The following AR variants were observed in gnomAD, a reference collection of about 807,000 sequenced individuals.
The protein encoded by AR is dihydrotestosterone receptor.
AR carries 8 observed loss-of-function variants against 53.9 expected under a neutral mutation model. The ratio of observed to expected loss-of-function variants is 0.15; its 90% CI spans 0.09 to 0.27. The LOEUF (loss-of-function observed/expected upper bound fraction) is 0.27. AR is among the 10% of genes least tolerant of loss of function. The pLI, the probability that AR is intolerant of heterozygous loss-of-function variation, is 1.00. For synonymous variants in AR, 359 were observed against 316.4 expected, an observed-to-expected ratio of 1.13 and a Z score of -1.43; for missense variants, 639 against 742.5, an observed-to-expected ratio of 0.86 and a Z score of 1.62.
intron 2 of AR, among the ~76,000 whole-genome samples, chrX:67,674,555 G>A (rs958402911): frequency 9.0e-6 from 1 of 111,055 alleles, no homozygotes; most frequent in African/African-American, 3.3e-5. Flanking sequence ...CTCAAGCAAA[G>A]GAGTCTCTCC....
chrX:67,705,877 G>C (rs895878515), intron 3 of AR, among the ~76,000 whole-genome samples: 9 of 111,509 alleles, frequency 8.1e-5, no homozygotes, highest in Non-Finnish European at 1.9e-5. Flanking sequence ...TTTTGTCAAA[G>C]GCCTTTTCTG....
At chrX:67,661,468 T>C (rs1926912233) in intron 2 of AR, among the ~76,000 whole-genome samples, 1 of 111,903 alleles carries the variant, frequency 8.9e-6, no homozygotes, top group African/African-American at 3.2e-5. Flanking sequence ...TCTATTGAGA[T>C]AATCATGTGG....
rs763968978 is a variant in AR, at chrX:67,545,777, G to A, written c.631G>A (p.Ala211Thr). Reference protein sequence around the residue: ...AVSEGSSSGRAREASGAPTSS... With the variant: ...AVSEGSSSGRTREASGAPTSS... ...ATCCGAAGGCAGCAGCAGCGGGAGA[G>A]CGAGGGAGGCCTCGGGGGCTCCCAC... Residue 211 changes from alanine to threonine, a missense_variant, in exon 1 of 8, where the codon GCG becomes ACG. Physicochemically the swap from Ala to Thr is moderately conservative, Grantham distance 58 (BLOSUM62 0). Around this residue, in one of 5 missense-constraint regions of AR, gnomAD observed 423 missense variants for 377.0 expected, o/e 1.12. Coordinates refer to ENST00000374690, the MANE Select transcript of AR (RefSeq NM_000044.6). The A allele has an allele frequency of 1.7e-6, 2 of 1,210,654 alleles. No individual in the cohort carries two copies. Among genetic ancestry groups the A allele is most frequent in the Admixed American group, 4.4e-5 (2 of 45,945 alleles).
intron 5 of AR, among the ~76,000 whole-genome samples, chrX:67,717,899 A>G (rs2076120290): frequency 8.9e-6 from 1 of 112,312 alleles, no homozygotes; most frequent in Non-Finnish European, 1.9e-5. Flanking sequence ...TCTCAAAACC[A>G]CATGGAAAGA....
chrX:67,638,531 T>C (rs1431748717), intron 1 of AR, among the ~76,000 whole-genome samples: 2 of 111,938 alleles, frequency 1.8e-5, no homozygotes, highest in Non-Finnish European at 1.9e-5. Context: ...TGGCGTGAGA[T>C]GGTATTTCAT....
chrX:67,627,954 C>T (rs764475780), intron 1 of AR, among the ~76,000 whole-genome samples: 10 of 111,212 alleles, frequency 9.0e-5, no homozygotes, highest in South Asian at 7.6e-4. Flanking sequence ...TGTAGATATG[C>T]GGCATTATTT....
intron 1 of AR, among the ~76,000 whole-genome samples, chrX:67,608,163 G>A (rs1021216276): frequency 8.9e-6 from 1 of 112,032 alleles, no homozygotes; most frequent in African/African-American, 3.2e-5. Flanking sequence ...AGGCAGACCA[G>A]ACCAGAGTTT....
intron 1 of AR, among the ~76,000 whole-genome samples, chrX:67,605,384 G>GC (rs1243484447): frequency 1.8e-5 from 2 of 112,598 alleles, no homozygotes; most frequent in Admixed American, 1.9e-4. Context: ...TAAGGACTCA[G>GC]CCTCAGGCAT....
chrX:67,723,784 G>A lies in AR; in HGVS notation c.2706G>A (p.Val902=). The A allele has an allele frequency of 8.3e-7, 1 of 1,210,879 alleles. No individual in the cohort carries two copies. The highest frequency in any genetic ancestry group is 1.1e-6 in the Non-Finnish European group (1 of 895,280). ...FPEMMAEIIS[V]QVPKILSGKV... ...AAATGATGGCAGAGATCATCTCTGTGCAAGTGCCCAAGATCCTTTCTGGGA... is the reference window on the plus strand; with the variant it reads ...AAATGATGGCAGAGATCATCTCTGTACAAGTGCCCAAGATCCTTTCTGGGA... Residue 902 remains valine, a synonymous_variant, in exon 8 of 8, where the codon GTG becomes GTA. Transcript: ENST00000374690.
chrX:67,566,764 C>A (rs191604677), intron 1 of AR, among the ~76,000 whole-genome samples: 1 of 111,411 alleles, frequency 9.0e-6, no homozygotes, highest in Non-Finnish European at 1.9e-5. Context: ...TGAAAACCTG[C>A]CACTTAAGGC....
At chrX:67,632,072 G>C (rs1925169385) in intron 1 of AR, among the ~76,000 whole-genome samples, 1 of 112,830 alleles carries the variant, frequency 8.9e-6, no homozygotes. Context: ...TAAGTCTGCA[G>C]AGGTTACTGC....
intron 3 of AR, among the ~76,000 whole-genome samples, chrX:67,707,930 G>C (rs1237309902): frequency 9.0e-6 from 1 of 111,649 alleles, no homozygotes; most frequent in Non-Finnish European, 1.9e-5. Context: ...ATGAAATTCT[G>C]GGTTGAAAAT....
intron 7 of AR, 97 bp downstream of exon 7, chrX:67,723,081 T>C: frequency 2.9e-6 from 3 of 1,039,865 alleles, no homozygotes. Flanking sequence ...TGTTGGGAGG[T>C]GCTTCCATTC....
At chrX:67,700,029 G>A (rs746050462) in intron 3 of AR, among the ~76,000 whole-genome samples, 2 of 111,142 alleles carry the variant, frequency 1.8e-5, no homozygotes, top group Non-Finnish European at 3.8e-5. Flanking sequence ...AATGCCCCAG[G>A]GCTGAAAAGT....
chrX:67,723,995 T>G lies in AR; in HGVS notation c.*154T>G. 1 of 772,785 alleles carries G rather than the reference T, an allele frequency of 1.3e-6. No homozygotes were observed. 63.7% of individuals were successfully genotyped at this position (772,785 alleles called of 1,213,427 possible). Reference sequence around the variant, plus strand: ...GAACATGTTCCTGAATTCTATTTGCTGGGCTTTTTTTTTCTCTTTCTCTCC... The same window carrying G: ...GAACATGTTCCTGAATTCTATTTGCGGGGCTTTTTTTTTCTCTTTCTCTCC... On this transcript the variant is annotated 3_prime_UTR_variant, in exon 8 of 8. Transcript: ENST00000374690.
At chrX:67,603,730 C>A (rs990381016) in intron 1 of AR, among the ~76,000 whole-genome samples, 2 of 111,688 alleles carry the variant, frequency 1.8e-5, no homozygotes, top group Admixed American at 9.5e-5. Flanking sequence ...GAACTGATCA[C>A]ATCTGTGATT....
intron 1 of AR, among the ~76,000 whole-genome samples, chrX:67,581,993 T>A (rs1395731556): frequency 9.0e-6 from 1 of 111,713 alleles, no homozygotes; most frequent in Non-Finnish European, 1.9e-5. Flanking sequence ...CTCCTCCCAA[T>A]CTTGATCTCA....
chrX:67,561,344 A>C (rs962767791), intron 1 of AR, among the ~76,000 whole-genome samples: 3 of 112,118 alleles, frequency 2.7e-5, no homozygotes, highest in South Asian at 3.7e-4. Context: ...TCAGCCCTCC[A>C]TATCCATGGA....
intron 1 of AR, among the ~76,000 whole-genome samples, chrX:67,627,000 T>C (rs1480651588): frequency 3.8e-5 from 4 of 106,275 alleles, no homozygotes; most frequent in Non-Finnish European, 7.7e-5. Context: ...ATGGTGTATA[T>C]GTGCCACATT....
Sources: allele counts gnomAD v4.1 joint callset (sites outside exome capture counted in the v4.1 genomes callset), GRCh38; gene constraint gnomAD v4.1.1; regional missense constraint gnomAD v4.1.1; transcripts MANE v1.5; gene names NCBI Gene and HGNC (gene_info 2026-07-23, HGNC 2026-07-21).